UBE2E3: variants seen among roughly 807,000 people sequenced by gnomAD.
UBE2E3 encodes the protein ubiquitin conjugating enzyme E2 E3.
In UBE2E3, 5 loss-of-function variants were observed where a neutral mutation model predicts 23.6. The observed-to-expected ratio is 0.21, with a 90% confidence interval of 0.11 to 0.44. The LOEUF (loss-of-function observed/expected upper bound fraction) is 0.44. Ranked by LOEUF, UBE2E3 falls within the 20% of genes least tolerant of loss-of-function variation. UBE2E3 has a pLI of 0.99. For missense variants in UBE2E3, 81 were observed against 249.8 expected (o/e 0.32, Z 4.55); for synonymous variants, 78 against 87.5 (o/e 0.89, Z 0.60).
intron 3 of UBE2E3, among the ~76,000 whole-genome samples, chr2:181,050,818 T>G (rs1298638318): frequency 6.6e-6 from 1 of 151,702 alleles, no homozygotes; most frequent in East Asian, 1.9e-4. Context: ...TGGCAAAGAG[T>G]GGGCACTCCA....
intron 3 of UBE2E3, among the ~76,000 whole-genome samples, chr2:180,999,314 T>C (rs1349420252): frequency 2.0e-5 from 3 of 152,160 alleles, no homozygotes; most frequent in Admixed American, 6.5e-5. Context: ...AAAAAAGCAT[T>C]TGGTATAGTT....
In UBE2E3 at chr2:181,001,718, C is replaced by T. The variant is rs1175078088; in HGVS notation, c.245+17625C>T. Among the ~76,000 whole-genome samples the T allele has an allele frequency of 2.6e-5, 4 of 152,042 alleles. No individual in the cohort carries two copies. The East Asian group carries it at 7.7e-4, about 29-fold the overall frequency. ...AGAGGAGCTGGGATTTCGAAGGTGA[C>T]AGATTAGCATATAACCAGTTGTGGT... On this transcript the variant is annotated intron_variant, in intron 3 of 5. Coordinates refer to ENST00000410062, the MANE Select transcript of UBE2E3 (RefSeq NM_006357.4).
rs1394452802 is a variant in UBE2E3 at position 180,980,724 on chromosome 2, C to CG, written c.-275_-274insG. On this transcript the variant is annotated 5_prime_UTR_variant, in exon 1 of 6. Transcript: ENST00000410062. The surrounding 1 kb of genome is among the most constrained non-coding windows in gnomAD (Gnocchi z 5.5). The stretch of plus-strand genomic sequence containing the variant: ...GCCGGGAGCTCGCGCCCTCGCCCAG[C>CG]CGAGCTCCCACCCCCGCTTTTTTCC... 6.7e-6 allele frequency: 1 copy of CG among 148,914 alleles called. No individual in the cohort carries two copies. The highest frequency in any genetic ancestry group is 2.4e-5 in the African/African-American group (1 of 41,018). The allele number at this position is 148,914 out of a possible 1,614,324, so 9.2% of individuals were successfully genotyped here.
At chr2:181,048,039 T>TG (rs1686722674) in intron 3 of UBE2E3, among the ~76,000 whole-genome samples, 1 of 152,098 alleles carries the variant, frequency 6.6e-6, no homozygotes. Flanking sequence ...CTCAGGGCAT[T>TG]TTCCTATGCT....
intron 3 of UBE2E3, among the ~76,000 whole-genome samples, chr2:181,020,092 G>A (rs1251012066): frequency 2.0e-5 from 3 of 152,142 alleles, no homozygotes; most frequent in South Asian, 2.1e-4. Flanking sequence ...TGGGAAGGTT[G>A]ATGTATTAGT....
intron 4 of UBE2E3, among the ~76,000 whole-genome samples, chr2:181,060,040 T>C (rs1182375259): frequency 6.6e-6 from 1 of 151,752 alleles, no homozygotes. Context: ...TAGTTTCCTT[T>C]ATCCAGTAGC....
At chr2:181,033,893 A>G (rs950225913) in intron 3 of UBE2E3, among the ~76,000 whole-genome samples, 2 of 152,246 alleles carry the variant, frequency 1.3e-5, no homozygotes, top group Admixed American at 1.3e-4. Flanking sequence ...TCTCAAAAGA[A>G]GACATTTATG....
At chr2:180,987,507 T>TG in intron 3 of UBE2E3, 1 of 1,212,614 alleles carries the variant, frequency 8.2e-7, no homozygotes, top group South Asian at 1.6e-5. Flanking sequence ...TGGAGATATT[T>TG]GGGGGTATTT....
At chr2:180,988,187 A>G (rs550714002) in intron 3 of UBE2E3, among the ~76,000 whole-genome samples, 4 of 152,276 alleles carry the variant, frequency 2.6e-5, no homozygotes, top group African/African-American at 9.6e-5. Flanking sequence ...TGGCCACAGC[A>G]AGATAAAAAT....
intron 4 of UBE2E3, among the ~76,000 whole-genome samples, chr2:181,058,811 GAGTGCCATCT>G (rs1687055004): frequency 6.6e-6 from 1 of 151,696 alleles, no homozygotes; most frequent in Admixed American, 6.6e-5. Flanking sequence ...ACAAGGTAAC[GAGTGCCATCT>G]AGTGGTATTT....
At chr2:181,031,141 T>G (rs1035111563) in intron 3 of UBE2E3, among the ~76,000 whole-genome samples, 3 of 152,170 alleles carry the variant, frequency 2.0e-5, no homozygotes, top group African/African-American at 7.2e-5. Flanking sequence ...TTTAAAAAAT[T>G]TGTTAAAAAT....
At chr2:181,032,549 C>T (rs933385305) in intron 3 of UBE2E3, among the ~76,000 whole-genome samples, 1 of 152,136 alleles carries the variant, frequency 6.6e-6, no homozygotes, top group African/African-American at 2.4e-5. Context: ...TCTCATTTGT[C>T]AGTGTCTCAT....
Position 180,984,407 on chromosome 2 carries a change from A to G in UBE2E3, c.245+314A>G, listed in dbSNP as rs190146683. Among the ~76,000 whole-genome samples the G allele has an allele frequency of 1.6e-3, 242 of 152,350 alleles. 2 individuals are homozygous for G. The highest frequency in any genetic ancestry group is 0.015 in the Admixed American group (237 of 15,304). On this transcript the variant is annotated intron_variant, in intron 3 of 5. Coordinates refer to ENST00000410062, the MANE Select transcript of UBE2E3 (RefSeq NM_006357.4). The stretch of plus-strand genomic sequence containing the variant: ...TCAGAAGTATACTGAAGAAACTTCT[A>G]AAATTTTGCTAAGCTTTAAAGTTAC...
At position 181,062,905 on chromosome 2, in the gene UBE2E3, G is replaced by T; in HGVS notation, c.*17G>T. On this transcript the variant is annotated 3_prime_UTR_variant, in exon 6 of 6. Transcript: ENST00000410062. The stretch of plus-strand genomic sequence containing the variant: ...GCAACATAATTCACATAATTTGTAT[G>T]CAGTGTGAAGGAGCAGAAGGCATCT... The T allele has an allele frequency of 6.5e-7, 1 of 1,529,996 alleles. No individual in the cohort carries two copies. The highest frequency in any genetic ancestry group is 1.2e-5 in the South Asian group (1 of 86,852). 94.8% of individuals were successfully genotyped at this position (1,529,996 alleles called of 1,614,324 possible).
intron 3 of UBE2E3, among the ~76,000 whole-genome samples, chr2:181,048,236 T>C (rs1018411502): frequency 6.6e-6 from 1 of 152,192 alleles, no homozygotes; most frequent in African/African-American, 2.4e-5. Context: ...TTTGTGAGTT[T>C]ATTTGATTAA....
intron 3 of UBE2E3, among the ~76,000 whole-genome samples, chr2:181,026,333 T>C (rs922481205): frequency 6.6e-6 from 1 of 151,752 alleles, no homozygotes; most frequent in Non-Finnish European, 1.5e-5. Context: ...TTTTTCAATT[T>C]CAGAAGATAA....
chr2:181,013,614 AC>A (rs1417838020), intron 3 of UBE2E3, among the ~76,000 whole-genome samples: 2 of 152,174 alleles, frequency 1.3e-5, no homozygotes, highest in South Asian at 2.1e-4. Flanking sequence ...TGTAACCTGG[AC>A]TTCTATAAAC....
At chr2:181,040,513 A>C (rs867298553) in intron 3 of UBE2E3, among the ~76,000 whole-genome samples, 1 of 152,134 alleles carries the variant, frequency 6.6e-6, no homozygotes, top group African/African-American at 2.4e-5. Flanking sequence ...TTATTGAGCA[A>C]CTCTTATGTG....
At chr2:180,994,382 G>T (rs112832030) in intron 3 of UBE2E3, among the ~76,000 whole-genome samples, 65 of 151,990 alleles carry the variant, frequency 4.3e-4, no homozygotes, top group African/African-American at 1.5e-3. Flanking sequence ...CTTCATCTAT[G>T]CCTCCGTCCA....
Sources: gnomAD v4.1 joint callset for allele counts (sites outside exome capture counted in the v4.1 genomes callset) on GRCh38, gnomAD v4.1.1 for gene constraint, Gnocchi (gnomAD v3.1) non-coding constraint, MANE v1.5 for transcripts, NCBI Gene and HGNC (gene_info 2026-07-23, HGNC 2026-07-21) for gene names.